The following SND1 variants were observed in gnomAD, a reference collection of about 807,000 sequenced individuals.
SND1 encodes the protein staphylococcal nuclease domain-containing protein 1.
SND1 carries 38 observed loss-of-function variants against 121.7 expected under a neutral mutation model. The ratio of observed to expected loss-of-function variants is 0.31; its 90% confidence interval spans 0.24 to 0.41. The LOEUF (loss-of-function observed/expected upper bound fraction) is 0.41, where lower values mean the gene tolerates loss of function less well. Among genes scored for constraint, SND1 ranks in the 10% least tolerant of loss-of-function variants. The pLI, the probability that SND1 is intolerant of heterozygous loss-of-function variation, is 1.00. For missense variants in SND1, 868 were observed against 1,184.6 expected (o/e 0.73, Z 3.92); for synonymous variants, 401 against 447.4 (o/e 0.90, Z 1.31).
chr7:127,999,667 A>G (rs1269886295), intron 16 of SND1: 1 of 152,186 alleles, frequency 6.6e-6, no homozygotes, highest in Non-Finnish European at 1.5e-5. Flanking sequence ...AGTGATTGCA[A>G]TTGGGGAATG....
At chr7:127,986,393 C>T (rs1724034039) in intron 15 of SND1, among the ~76,000 whole-genome samples, 1 of 152,110 alleles carries the variant, frequency 6.6e-6, no homozygotes, top group African/African-American at 2.4e-5. Context: ...AGGGTATAAC[C>T]AAAATGGTAA....
intron 22 of SND1, among the ~76,000 whole-genome samples, chr7:128,091,252 C>T (rs780798929): frequency 2.9e-4 from 44 of 152,152 alleles, no homozygotes; most frequent in Non-Finnish European, 4.7e-4. Context: ...CTTTTGAGAC[C>T]GGGTCTGGAG....
chr7:127,969,451 C>T (rs1002537156), intron 15 of SND1, among the ~76,000 whole-genome samples: 3 of 152,164 alleles, frequency 2.0e-5, no homozygotes, highest in East Asian at 1.9e-4. Context: ...TTAGGCTGGG[C>T]GCAGTGACTC....
chr7:128,065,164 A>G, intron 16 of SND1, among the ~76,000 whole-genome samples: 1 of 152,240 alleles, frequency 6.6e-6, no homozygotes, highest in East Asian at 1.9e-4. Flanking sequence ...GAAAGAGGTA[A>G]CTGATGGAAA....
At position 127,747,237 on chromosome 7, in the gene SND1, T is replaced by C. The variant is rs371159891; in HGVS notation, c.1152+25837T>C. 1.2e-4 allele frequency among the ~76,000 whole-genome samples: 18 copies of C among 152,336 alleles called. 1 individual carries two copies. In the East Asian group the frequency reaches 2.1e-3, roughly 18 times the overall value. On this transcript the variant is annotated intron_variant, in intron 10 of 23. Transcript: ENST00000354725. ...TTTGAAAATTATAGAGACGCTGGTG[T>C]GCCCTATCATTAAATGAATTGTCAA...
chr7:128,010,658 A>G (rs1406570200), intron 16 of SND1, among the ~76,000 whole-genome samples: 1 of 152,254 alleles, frequency 6.6e-6, no homozygotes, highest in Non-Finnish European at 1.5e-5. Flanking sequence ...GGAAGTCAAG[A>G]CTGGTCCCCT....
intron 11 of SND1, among the ~76,000 whole-genome samples, chr7:127,836,549 T>C (rs1365046140): frequency 6.6e-6 from 1 of 152,166 alleles, no homozygotes; most frequent in Non-Finnish European, 1.5e-5. Flanking sequence ...TCTGAACGTA[T>C]TTATAAAGGT....
chr7:128,028,695 T>C, intron 16 of SND1: 1 of 1,612,716 alleles, frequency 6.2e-7, no homozygotes, highest in Non-Finnish European at 8.5e-7. Context: ...TTGAGTTTCC[T>C]GTACCTTGTC....
chr7:127,707,730 C>CTCT (rs1796225710), intron 9 of SND1, 83 bp downstream of exon 9: 4 of 1,231,306 alleles, frequency 3.2e-6, no homozygotes, highest in Middle Eastern at 1.9e-4. Flanking sequence ...ATTAGAAATG[C>CTCT]TGAAGCTCTT....
At chr7:127,952,002 G>A (rs1801473187) in intron 15 of SND1, among the ~76,000 whole-genome samples, 2 of 152,054 alleles carry the variant, frequency 1.3e-5, no homozygotes, top group East Asian at 3.9e-4. Flanking sequence ...AGCAGAATAA[G>A]CCCTTCCCCC....
At chr7:128,022,021 T>C (rs1803359614) in intron 16 of SND1, among the ~76,000 whole-genome samples, 2 of 151,938 alleles carry the variant, frequency 1.3e-5, no homozygotes, top group Admixed American at 6.6e-5. Flanking sequence ...CTGGCCAGCA[T>C]GGTGAAACCC....
chr7:127,683,820 G>C (rs1000266094), intron 1 of SND1, among the ~76,000 whole-genome samples: 1 of 152,226 alleles, frequency 6.6e-6, no homozygotes, highest in South Asian at 2.1e-4. Context: ...AAAAGGTGTA[G>C]AGAGCCTGTA....
chr7:127,795,759 A>G (rs966863458), intron 10 of SND1, among the ~76,000 whole-genome samples: 1 of 152,150 alleles, frequency 6.6e-6, no homozygotes, highest in African/African-American at 2.4e-5. Flanking sequence ...CAAGAGTACT[A>G]CTTTTTCATT....
rs556055955 is a variant in SND1 at position 128,029,509 on chromosome 7, G to T, written c.1779+38453G>T. Reference sequence around the variant, plus strand: ...AGCAACCACTTCACGGAGGACATAGGGGGAGTCCGACACTTAAGTTCTGCC... The same window carrying T: ...AGCAACCACTTCACGGAGGACATAGTGGGAGTCCGACACTTAAGTTCTGCC... On this transcript the variant is annotated intron_variant, in intron 16 of 23. Coordinates refer to ENST00000354725, the MANE Select transcript of SND1 (RefSeq NM_014390.4). This position sits in a 1 kb window ranked among gnomAD's most constrained non-coding sequence, Gnocchi z 4.2. 68 of 1,613,986 alleles carry T rather than the reference G, an allele frequency of 4.2e-5. 1 individual carries two copies. In the Admixed American group the frequency reaches 1.1e-3, roughly 27 times the overall value.
intron 16 of SND1, among the ~76,000 whole-genome samples, chr7:128,054,218 C>T (rs1291552591): frequency 1.3e-5 from 2 of 152,214 alleles, no homozygotes; most frequent in African/African-American, 2.4e-5. Flanking sequence ...CAGGAGACAG[C>T]CCTCCAGTGG....
chr7:127,864,612 G>T (rs1799434697), intron 12 of SND1, among the ~76,000 whole-genome samples: 1 of 151,986 alleles, frequency 6.6e-6, no homozygotes, highest in African/African-American at 2.4e-5. Context: ...TTTCTTTCTG[G>T]TGTCTTTCTC....
At chr7:128,081,645 C>G (rs1793604495) in intron 18 of SND1, 144 bp downstream of exon 18, 1 of 874,604 alleles carries the variant, frequency 1.1e-6, no homozygotes, top group Non-Finnish European at 1.8e-6. Flanking sequence ...GTTGCCGCCC[C>G]TGTCTCCCTG....
chr7:127,976,619 T>C (rs1035500567), intron 15 of SND1, among the ~76,000 whole-genome samples: 1 of 152,212 alleles, frequency 6.6e-6, no homozygotes, highest in Non-Finnish European at 1.5e-5. Flanking sequence ...CAGTGGAAAG[T>C]AAAGGATGCA....
intron 15 of SND1, among the ~76,000 whole-genome samples, chr7:127,988,294 G>C (rs982930760): frequency 3.3e-5 from 5 of 152,156 alleles, no homozygotes; most frequent in Non-Finnish European, 7.4e-5. Context: ...TTCTGCCTCT[G>C]CCTGATGGGA....
Sources: allele counts gnomAD v4.1 joint callset (sites outside exome capture counted in the v4.1 genomes callset), GRCh38; gene constraint gnomAD v4.1.1; non-coding constraint Gnocchi (gnomAD v3.1); transcripts MANE v1.5; gene names NCBI Gene and HGNC (gene_info 2026-07-23, HGNC 2026-07-21).